CFAP20DC: variants seen among roughly 807,000 people sequenced by gnomAD.
CFAP20DC encodes CFAP20 domain containing, also known as protein CFAP20DC.
CFAP20DC carries 84 observed loss-of-function variants against 101.7 expected under a neutral mutation model. That is an observed-to-expected ratio of 0.83 (90% CI 0.69 to 0.99). The LOEUF (loss-of-function observed/expected upper bound fraction) is 0.99. Ranked by LOEUF, CFAP20DC falls within the 50% of genes least tolerant of loss-of-function variation. CFAP20DC has a pLI of 0.00. For synonymous variants in CFAP20DC, 359 were observed against 351.2 expected, an observed-to-expected ratio of 1.02 and a Z score of -0.25; for missense variants, 1,007 against 970.3, an observed-to-expected ratio of 1.04 and a Z score of -0.50.
At chr3:58,928,554 T>A (rs1382603848) in intron 5 of CFAP20DC, among the ~76,000 whole-genome samples, 1 of 152,182 alleles carries the variant, frequency 6.6e-6, no homozygotes, top group Non-Finnish European at 1.5e-5. Context: ...CTAGTAAGTA[T>A]CAGAATCCAG....
At chr3:58,815,975 G>A (rs1214952796) in intron 14 of CFAP20DC, among the ~76,000 whole-genome samples, 2 of 151,596 alleles carry the variant, frequency 1.3e-5, no homozygotes, top group East Asian at 1.9e-4. Flanking sequence ...ATCTAGAACT[G>A]GAAATATCAT....
rs1479509953 is a variant in CFAP20DC at position 58,795,255 on chromosome 3, A to G, written c.2237+11140T>C. Among the ~76,000 whole-genome samples, 1 of 152,226 alleles carries G rather than the reference A, an allele frequency of 6.6e-6. No homozygotes were observed. The highest frequency in any genetic ancestry group is 2.4e-5 in the African/African-American group (1 of 41,462). ...ACCTTCTTTAACTGGATTGTGGGCC[A>G]AAGGTAATCTGAGTTCAGCATCTGG... On this transcript the variant is annotated intron_variant, in intron 15 of 16. Transcript: ENST00000482387. This position sits in a 1 kb window ranked among gnomAD's most constrained non-coding sequence, Gnocchi z 4.2.
chr3:59,049,437 T>C (rs1231736950), intron 1 of CFAP20DC, among the ~76,000 whole-genome samples, 174 bp downstream of exon 1: 1 of 152,168 alleles, frequency 6.6e-6, no homozygotes, highest in Non-Finnish European at 1.5e-5. Flanking sequence ...GCCTAGACAT[T>C]GGTAAATTTT....
chr3:58,908,803 GAAT>G (rs1355053859), intron 6 of CFAP20DC, among the ~76,000 whole-genome samples: 3 of 152,138 alleles, frequency 2.0e-5, no homozygotes, highest in Admixed American at 2.0e-4. Flanking sequence ...GTATACAATG[GAAT>G]ATTATCCGGT....
At chr3:58,731,201 G>T (rs892685827) in intron 3 of CFAP20DC, among the ~76,000 whole-genome samples, 2 of 152,210 alleles carry the variant, frequency 1.3e-5, no homozygotes, top group Admixed American at 6.5e-5. Flanking sequence ...TATGCAGTAG[G>T]GGAAAGTGAA....
chr3:58,797,967 GA>G (rs762425631), intron 15 of CFAP20DC, among the ~76,000 whole-genome samples: 10 of 152,000 alleles, frequency 6.6e-5, no homozygotes, highest in African/African-American at 2.4e-4. Flanking sequence ...CTACTGCTCA[GA>G]AAAAAAGAGA....
At chr3:58,834,822 T>C (rs1316440041) in intron 13 of CFAP20DC, among the ~76,000 whole-genome samples, 1 of 152,204 alleles carries the variant, frequency 6.6e-6, no homozygotes, top group South Asian at 2.1e-4. Flanking sequence ...AATTTTTGAA[T>C]GTGTACTTTG....
At chr3:58,963,190 T>TTGTGTGTGTGTGTGTGTGTGTGTGTG (rs56234919) in intron 4 of CFAP20DC, among the ~76,000 whole-genome samples, 2 of 118,184 alleles carry the variant, frequency 1.7e-5, no homozygotes, top group Non-Finnish European at 3.5e-5. Context: ...GTTCAGTAGT[T>TTGTGTGTGTGTGTGTGTGTGTGTGTG]TGTGTGTGTG....
intron 3 of CFAP20DC, 120 bp downstream of exon 3, chr3:59,046,108 AT>A: frequency 1.4e-6 from 1 of 704,324 alleles, no homozygotes; most frequent in Admixed American, 3.2e-5. Context: ...TAAAAAAAAA[AT>A]TCTATCATCT....
At chr3:58,982,670 A>G (rs962323175) in intron 4 of CFAP20DC, among the ~76,000 whole-genome samples, 6 of 134,960 alleles carry the variant, frequency 4.4e-5, no homozygotes, top group Non-Finnish European at 7.7e-5. Context: ...GAACACATGG[A>G]CACAGGAAGG....
chr3:59,043,330 C>T (rs890077245), intron 3 of CFAP20DC, among the ~76,000 whole-genome samples: 38 of 151,980 alleles, frequency 2.5e-4, no homozygotes, highest in African/African-American at 9.2e-4. Flanking sequence ...GGAGTATGGA[C>T]ATCTTGGGTA....
At position 58,819,948 on chromosome 3, in the gene CFAP20DC, T is replaced by G. The variant is rs1418527357; in HGVS notation, c.2175+11738A>C. On this transcript the variant is annotated intron_variant, in intron 14 of 16. Coordinates refer to ENST00000482387, the MANE Select transcript of CFAP20DC (RefSeq NM_001394063.1). ...ACATCAAAAAGCTTATCCACCATGA[T>G]CAAGTGGGCTTCATCCCTGGGATGC... Among the ~76,000 whole-genome samples, 165 of 135,842 alleles carry G rather than the reference T, an allele frequency of 1.2e-3. 9 individuals carry two copies. The South Asian group carries it at 0.043, about 35-fold the overall frequency. 89.1% of individuals were successfully genotyped at this position (135,842 alleles called of 152,430 possible).
intron 5 of CFAP20DC, among the ~76,000 whole-genome samples, chr3:58,927,381 A>G (rs1370346900): frequency 6.6e-6 from 1 of 152,152 alleles, no homozygotes. Flanking sequence ...ATGTACACCT[A>G]GAAGGCCCAG....
chr3:58,764,014 C>G (rs2069986336), intron 15 of CFAP20DC, among the ~76,000 whole-genome samples: 1 of 152,180 alleles, frequency 6.6e-6, no homozygotes, highest in Admixed American at 6.5e-5. Flanking sequence ...TTTGTTGGTT[C>G]TCAGATCTCA....
chr3:58,924,075 T>C (rs1374162121), intron 5 of CFAP20DC, among the ~76,000 whole-genome samples: 1 of 152,174 alleles, frequency 6.6e-6, no homozygotes. Context: ...AGTTCTAGAA[T>C]GCAAAAAATT....
chr3:58,809,165 T>C (rs2074384065), intron 14 of CFAP20DC, among the ~76,000 whole-genome samples: 1 of 152,018 alleles, frequency 6.6e-6, no homozygotes, highest in Non-Finnish European at 1.5e-5. Flanking sequence ...TTAACAAGGA[T>C]ACCCAGGAAT....
At chr3:58,829,100 G>C (rs2076227979) in intron 14 of CFAP20DC, among the ~76,000 whole-genome samples, 1 of 152,104 alleles carries the variant, frequency 6.6e-6, no homozygotes, top group Admixed American at 6.6e-5. Flanking sequence ...GGGAGGCCAA[G>C]GTGGGTGGAT....
intron 15 of CFAP20DC, among the ~76,000 whole-genome samples, chr3:58,757,764 CAT>C (rs1180681527): frequency 6.6e-6 from 1 of 151,884 alleles, no homozygotes; most frequent in African/African-American, 2.4e-5. Context: ...TTAAAATAAC[CAT>C]AGAGTTATTT....
intron 2 of CFAP20DC, among the ~76,000 whole-genome samples, chr3:59,046,777 T>C (rs1699899006): frequency 6.6e-6 from 1 of 152,086 alleles, no homozygotes; most frequent in Admixed American, 6.5e-5. Flanking sequence ...TCTCAGTAAC[T>C]TCAGAGGTCC....
Sources: allele counts gnomAD v4.1 joint callset (sites outside exome capture counted in the v4.1 genomes callset), GRCh38; gene constraint gnomAD v4.1.1; non-coding constraint Gnocchi (gnomAD v3.1); transcripts MANE v1.5; gene names NCBI Gene and HGNC (gene_info 2026-07-23, HGNC 2026-07-21).